The following CEP112 variants were observed in gnomAD, a reference collection of about 807,000 sequenced individuals.
CEP112 encodes the protein centrosomal protein of 112 kDa.
In CEP112, 127 loss-of-function variants were observed where a neutral mutation model predicts 153.0. That is an observed-to-expected ratio of 0.83 (90% confidence interval 0.72 to 0.96). CEP112 has a LOEUF of 0.96. Among genes scored for constraint, CEP112 ranks in the 40% least tolerant of loss-of-function variants. The pLI, the probability that CEP112 is intolerant of heterozygous loss-of-function variation, is 0.00. For synonymous variants in CEP112, 358 were observed against 374.4 expected (o/e 0.96, Z 0.51); for missense variants, 1,089 against 1,101.2 (o/e 0.99, Z 0.16).
chr17:66,011,540 T>C (rs1377490014), intron 16 of CEP112, among the ~76,000 whole-genome samples: 3 of 152,204 alleles, frequency 2.0e-5, no homozygotes, highest in Non-Finnish European at 4.4e-5. Context: ...AGCGATTTTC[T>C]TAGTATTAAT....
intron 19 of CEP112, among the ~76,000 whole-genome samples, chr17:65,907,106 CA>C (rs1238445834): frequency 9.9e-5 from 15 of 152,000 alleles, no homozygotes; most frequent in Non-Finnish European, 2.1e-4. Flanking sequence ...ATAATTGGGG[CA>C]AAAGAATTGC....
At position 65,754,335 on chromosome 17, in the gene CEP112, A is replaced by C. The variant is rs553793645; in HGVS notation, c.2395-3611T>G. Among the ~76,000 whole-genome samples, 6 of 152,266 alleles carry C rather than the reference A, an allele frequency of 3.9e-5. No homozygotes were observed. In the South Asian group the frequency reaches 1.2e-3, roughly 32 times the overall value. ...TTCAAGACACAGTATGGAGGCCAAG[A>C]GCAGTGGCTCACACCTGTAATCCAG... On this transcript the variant is annotated intron_variant, in intron 21 of 26. Transcript: ENST00000535342.
Position 66,063,854 on chromosome 17 carries a change from A to G in CEP112, c.956-773T>C, listed in dbSNP as rs1481302789. Among the ~76,000 whole-genome samples the G allele has an allele frequency of 2.0e-5, 3 of 152,134 alleles. No homozygotes were observed. The East Asian group carries it at 5.8e-4, about 29-fold the overall frequency. ...CACTATTATAAACACACCAACCTAT[A>G]TGCAGATTCCTGAGTTCATATTCTT... On this transcript the variant is annotated intron_variant, in intron 10 of 26. Coordinates refer to ENST00000535342, the MANE Select transcript of CEP112 (RefSeq NM_001199165.4).
chr17:65,959,999 C>T (rs2062141770), intron 18 of CEP112, among the ~76,000 whole-genome samples: 1 of 152,066 alleles, frequency 6.6e-6, no homozygotes, highest in Non-Finnish European at 1.5e-5. Context: ...AAAGTGACAC[C>T]CTAGGGATCC....
chr17:65,700,326 A>T (rs147561990), intron 23 of CEP112, among the ~76,000 whole-genome samples: 1,622 of 152,280 alleles, frequency 0.011, 12 homozygotes, highest in Middle Eastern at 0.078. Flanking sequence ...CTTATAAAGG[A>T]ACTATTACAA....
At chr17:65,842,037 G>A (rs1228225120) in intron 21 of CEP112, among the ~76,000 whole-genome samples, 1 of 151,910 alleles carries the variant, frequency 6.6e-6, no homozygotes, top group African/African-American at 2.4e-5. Context: ...AACTTCCCAA[G>A]TCGAGTCACT....
At chr17:66,073,520 T>A (rs1037447045) in intron 8 of CEP112, among the ~76,000 whole-genome samples, 1 of 152,128 alleles carries the variant, frequency 6.6e-6, no homozygotes, top group Non-Finnish European at 1.5e-5. Flanking sequence ...GTAGAAAATG[T>A]AACAGCTGCT....
chr17:65,698,668 C>T (rs182758422), intron 23 of CEP112, among the ~76,000 whole-genome samples: 57 of 152,168 alleles, frequency 3.7e-4, no homozygotes, highest in African/African-American at 1.3e-3. Context: ...AAAGCACATT[C>T]CCCCGCTTCG....
intron 17 of CEP112, among the ~76,000 whole-genome samples, chr17:66,004,427 G>C (rs879277933): frequency 1.3e-5 from 2 of 152,078 alleles, no homozygotes; most frequent in African/African-American, 2.4e-5. Context: ...AGAGGCGGAG[G>C]GTGCAGTGAG....
At chr17:65,778,356 C>T (rs1455039091) in intron 21 of CEP112, among the ~76,000 whole-genome samples, 4 of 152,186 alleles carry the variant, frequency 2.6e-5, no homozygotes, top group Non-Finnish European at 5.9e-5. Flanking sequence ...TGTCCCTCTG[C>T]CATAATCCTA....
chr17:65,902,012 A>AAAAAAAAAAAAATAAC, intron 20 of CEP112, 140 bp downstream of exon 20: 1 of 444,894 alleles, frequency 2.2e-6, no homozygotes, highest in Non-Finnish European at 3.9e-6. Flanking sequence ...GGGGGAGAAA[A>AAAAAAAAAAAAATAAC]ACAAAAAAAA....
intron 12 of CEP112, among the ~76,000 whole-genome samples, chr17:66,045,526 A>G (rs1388375088): frequency 6.6e-6 from 1 of 152,184 alleles, no homozygotes; most frequent in Non-Finnish European, 1.5e-5. Flanking sequence ...TAAAGCAGTG[A>G]TTTTCAAATT....
chr17:65,736,914 T>C (rs1018304068), intron 23 of CEP112, among the ~76,000 whole-genome samples: 6 of 152,162 alleles, frequency 3.9e-5, no homozygotes, highest in Non-Finnish European at 7.4e-5. Context: ...GAATCTGATC[T>C]AAAGCCTGGA....
intron 21 of CEP112, among the ~76,000 whole-genome samples, chr17:65,837,006 T>C (rs1356988698): frequency 6.6e-6 from 1 of 152,322 alleles, no homozygotes; most frequent in Non-Finnish European, 1.5e-5. Context: ...GGTTTCGCCG[T>C]GTTGGCCGGG....
At chr17:65,794,756 C>T (rs556405880) in intron 21 of CEP112, among the ~76,000 whole-genome samples, 1 of 152,212 alleles carries the variant, frequency 6.6e-6, no homozygotes, top group Admixed American at 6.5e-5. Flanking sequence ...TTTCCACCCA[C>T]ACCCAGTCAG....
At chr17:65,821,840 C>T (rs1468270859) in intron 21 of CEP112, among the ~76,000 whole-genome samples, 1 of 151,514 alleles carries the variant, frequency 6.6e-6, no homozygotes, top group East Asian at 1.9e-4. Flanking sequence ...GCATGAGCCA[C>T]CGTGCCTGGC....
chr17:65,790,370 A>T (rs1290528990), intron 21 of CEP112, among the ~76,000 whole-genome samples: 1 of 152,142 alleles, frequency 6.6e-6, no homozygotes, highest in Non-Finnish European at 1.5e-5. Context: ...ATAAGGAAAA[A>T]GGTGAGCAGT....
intron 23 of CEP112, among the ~76,000 whole-genome samples, chr17:65,715,825 T>C (rs1417064751): frequency 2.0e-5 from 3 of 152,086 alleles, no homozygotes; most frequent in African/African-American, 7.2e-5. Flanking sequence ...TTATCAGAGT[T>C]GAATGCCGAT....
chr17:65,651,333 TG>T (rs2045762025), intron 24 of CEP112, among the ~76,000 whole-genome samples: 1 of 152,224 alleles, frequency 6.6e-6, no homozygotes, highest in African/African-American at 2.4e-5. Flanking sequence ...ATCCACTCAT[TG>T]ATTGATGGAC....
Sources: allele counts gnomAD v4.1 joint callset (sites outside exome capture counted in the v4.1 genomes callset), GRCh38; gene constraint gnomAD v4.1.1; transcripts MANE v1.5; gene names NCBI Gene and HGNC (gene_info 2026-07-23, HGNC 2026-07-21).